Variants in GNG7 observed in about 807,000 individuals in gnomAD.
The protein encoded by GNG7 is G protein subunit gamma 7.
GNG7 carries 1 observed loss-of-function variant against 4.0 expected under a neutral mutation model. The ratio of observed to expected loss-of-function variants is 0.25; its 90% CI spans 0.09 to 1.18. The LOEUF is 1.18. Among genes scored for constraint, GNG7 ranks in the 50% most tolerant of loss-of-function variants. GNG7 has a pLI of 0.50. For synonymous variants in GNG7, 34 were observed against 36.9 expected, an observed-to-expected ratio of 0.92 and a Z score of 0.29; for missense variants, 86 against 91.9, an observed-to-expected ratio of 0.94 and a Z score of 0.26.
intron 2 of GNG7, among the ~76,000 whole-genome samples, chr19:2,597,019 G>GAA (rs1465029008): frequency 2.0e-5 from 3 of 152,098 alleles, no homozygotes; most frequent in Non-Finnish European, 4.4e-5. Flanking sequence ...AGCACTTTTG[G>GAA]AGGCTGAGGT....
chr19:2,670,009 C>CA (rs796312127), intron 1 of GNG7, among the ~76,000 whole-genome samples: 2,195 of 77,764 alleles, frequency 0.028, 37 homozygotes, highest in African/African-American at 0.065. Context: ...GACTCTGTCT[C>CA]AAAAAAAAAA....
At chr19:2,516,127 G>GGATTTT (rs1174460699) in intron 4 of GNG7, among the ~76,000 whole-genome samples, 2 of 151,952 alleles carry the variant, frequency 1.3e-5, no homozygotes, top group African/African-American at 4.8e-5. Context: ...TGAGGCTGGA[G>GGATTTT]GATTGCTTGA....
At chr19:2,562,976 G>A (rs182627536) in intron 2 of GNG7, among the ~76,000 whole-genome samples, 17 of 151,852 alleles carry the variant, frequency 1.1e-4, no homozygotes, top group Non-Finnish European at 1.8e-4. Context: ...ACAGAGTCTC[G>A]CTCTGTCGCC....
chr19:2,522,336 G>T (rs572404150), intron 3 of GNG7, among the ~76,000 whole-genome samples: 1 of 152,256 alleles, frequency 6.6e-6, no homozygotes, highest in African/African-American at 2.4e-5. Context: ...CGCAGTCCCA[G>T]CCGGGCGTCT....
chr19:2,526,888 C>G (rs1978419065), intron 3 of GNG7, among the ~76,000 whole-genome samples: 1 of 129,352 alleles, frequency 7.7e-6, no homozygotes, highest in African/African-American at 2.8e-5. Flanking sequence ...CTCTGTCGCC[C>G]AGGCTGGAGT....
Position 2,557,651 on chromosome 19 carries a change from G to A in GNG7, c.-77-2463C>T, listed in dbSNP as rs141262321. 6.6e-6 allele frequency among the ~76,000 whole-genome samples: 1 copy of A among 152,212 alleles called. No individual in the cohort carries two copies. Among genetic ancestry groups the A allele is most frequent in the Non-Finnish European group, 1.5e-5 (1 of 68,002 alleles). On this transcript the variant is annotated intron_variant, in intron 2 of 4. Transcript: ENST00000382159. The surrounding 1 kb of genome is among the most constrained non-coding windows in gnomAD (Gnocchi z 5.1). ...GTCAAAGTGCGATGTGCCCAGGCCA[G>A]CCCGGTGTGACCTCAGCTCCTGATC... is the stretch of plus-strand genomic sequence containing the variant.
rs551169896 is a variant in GNG7 at position 2,511,998 on chromosome 19, G to A, written c.*3024C>T. 3 of 985,780 alleles carry A rather than the reference G, an allele frequency of 3.0e-6. No homozygotes were observed. Among genetic ancestry groups the A allele is most frequent in the Middle Eastern group, 5.2e-4 (1 of 1,936 alleles). The allele number at this position is 985,780 out of a possible 1,614,324, so 61.1% of individuals were successfully genotyped here. On this transcript the variant is annotated 3_prime_UTR_variant, in exon 5 of 5. Transcript: ENST00000382159. This position sits in a 1 kb window ranked among gnomAD's most constrained non-coding sequence, Gnocchi z 6.3. ...CCCTTCACCTGGCTACTGGTGTCTC[G>A]CTCAGCAGCGGGGAAGGCCCGTGGG...
intron 2 of GNG7, among the ~76,000 whole-genome samples, chr19:2,577,562 G>A (rs376123483): frequency 1.3e-5 from 2 of 152,144 alleles, no homozygotes; most frequent in South Asian, 2.1e-4. Flanking sequence ...CTGGGTGGGC[G>A]TGGTGGCTCA....
chr19:2,552,402 T>C (rs1049217006), intron 3 of GNG7, among the ~76,000 whole-genome samples: 2 of 152,092 alleles, frequency 1.3e-5, no homozygotes, highest in Non-Finnish European at 2.9e-5. Flanking sequence ...TGTTTGTTAT[T>C]GAGACAGAGT....
rs59840156 is a variant in GNG7, at chr19:2,628,525, G to GTA, written c.-78+17697_-78+17698dup. ...TCAACTGTGGTGTGTGTGTGTGTGTGTATATATATATATAACATAAGACGG... is the reference window on the plus strand; with the variant it reads ...TCAACTGTGGTGTGTGTGTGTGTGTGTATATATATATATATAACATAAGACGG... On this transcript the variant is annotated intron_variant, in intron 2 of 4. Coordinates refer to ENST00000382159, the MANE Select transcript of GNG7 (RefSeq NM_052847.3). Among the ~76,000 whole-genome samples the GTA allele has an allele frequency of 1.5e-3, 217 of 148,378 alleles. 1 individual carries two copies. The highest frequency in any genetic ancestry group is 1.9e-3 in the South Asian group (9 of 4,674).
chr19:2,692,607 C>T, intron 1 of GNG7, among the ~76,000 whole-genome samples: 1 of 149,716 alleles, frequency 6.7e-6, no homozygotes, highest in Non-Finnish European at 1.5e-5. Flanking sequence ...TGCACTCCAG[C>T]CTGGGCGACA....
intron 1 of GNG7, among the ~76,000 whole-genome samples, chr19:2,659,629 AGAGG>A (rs1320203190): frequency 3.1e-5 from 4 of 126,990 alleles, no homozygotes; most frequent in African/African-American, 1.2e-4. Flanking sequence ...GGGGAGGGAA[AGAGG>A]GAGGGAAGGA....
intron 2 of GNG7, among the ~76,000 whole-genome samples, chr19:2,599,526 G>A (rs1981136069): frequency 6.6e-6 from 1 of 152,118 alleles, no homozygotes; most frequent in Non-Finnish European, 1.5e-5. Context: ...CCTGCCTGAT[G>A]TCACAGGAGC....
In GNG7 at chr19:2,512,419, C is replaced by T. The variant is rs1972669127; in HGVS notation, c.*2603G>A. 1.0e-6 allele frequency: 1 copy of T among 956,696 alleles called. No individual in the cohort carries two copies. The highest frequency in any genetic ancestry group is 1.2e-6 in the Non-Finnish European group (1 of 804,018). 59.3% of individuals were successfully genotyped at this position (956,696 alleles called of 1,614,324 possible). ...TAGAAAGAAACCCACAGGCTTCTGG[C>T]AATGGCCACCTCCCTGGGGTCCGGG... On this transcript the variant is annotated 3_prime_UTR_variant, in exon 5 of 5. Coordinates refer to ENST00000382159, the MANE Select transcript of GNG7 (RefSeq NM_052847.3). This position sits in a 1 kb window ranked among gnomAD's most constrained non-coding sequence, Gnocchi z 4.7.
intron 3 of GNG7, among the ~76,000 whole-genome samples, chr19:2,543,048 G>C (rs1229851287): frequency 6.6e-6 from 1 of 151,698 alleles, no homozygotes; most frequent in Admixed American, 6.6e-5. Flanking sequence ...GAGTAGCTGG[G>C]ATTACAGGCA....
At chr19:2,548,884 C>T (rs914996154) in intron 3 of GNG7, among the ~76,000 whole-genome samples, 4 of 152,124 alleles carry the variant, frequency 2.6e-5, no homozygotes. Flanking sequence ...ACCCAGAGAC[C>T]CTGGTCGAAG....
chr19:2,580,254 G>A (rs1331113809), intron 2 of GNG7, among the ~76,000 whole-genome samples: 1 of 151,498 alleles, frequency 6.6e-6, no homozygotes, highest in Non-Finnish European at 1.5e-5. Flanking sequence ...GGCAGGGATA[G>A]GACGCAGCCC....
chr19:2,553,732 A>G (rs945303181), intron 3 of GNG7, among the ~76,000 whole-genome samples: 3 of 148,934 alleles, frequency 2.0e-5, no homozygotes, highest in Non-Finnish European at 4.4e-5. Flanking sequence ...ATATGTACAT[A>G]TTACATGCAA....
At chr19:2,572,174 A>G (rs982205176) in intron 2 of GNG7, among the ~76,000 whole-genome samples, 1 of 151,866 alleles carries the variant, frequency 6.6e-6, no homozygotes, top group East Asian at 1.9e-4. Context: ...GGGGCACACC[A>G]CAACACCAGG....
Sources: gnomAD v4.1 joint callset for allele counts (sites outside exome capture counted in the v4.1 genomes callset) on GRCh38, gnomAD v4.1.1 for gene constraint, Gnocchi (gnomAD v3.1) non-coding constraint, MANE v1.5 for transcripts, NCBI Gene and HGNC (gene_info 2026-07-23, HGNC 2026-07-21) for gene names.